FBXL7: variants seen among roughly 807,000 people sequenced by gnomAD.
The protein encoded by FBXL7 is F-box and leucine rich repeat protein 7, also known as F-box/LRR-repeat protein 7.
In FBXL7, 12 loss-of-function variants were observed where a neutral mutation model predicts 38.3. The ratio of observed to expected loss-of-function variants is 0.31; its 90% CI spans 0.20 to 0.51. The LOEUF (loss-of-function observed/expected upper bound fraction) is 0.51. FBXL7 is among the 20% of genes least tolerant of loss of function. FBXL7 has a pLI of 0.98. For synonymous variants in FBXL7, 297 were observed against 300.9 expected, an observed-to-expected ratio of 0.99 and a Z score of 0.13; for missense variants, 567 against 676.4, an observed-to-expected ratio of 0.84 and a Z score of 1.79.
chr5:15,925,885 T>G (rs1400003537), intron 2 of FBXL7, among the ~76,000 whole-genome samples: 1 of 152,224 alleles, frequency 6.6e-6, no homozygotes, highest in East Asian at 1.9e-4. Context: ...GAAAGTGTAC[T>G]TTGAGTACCC....
At chr5:15,528,009 A>G (rs574021325) in intron 1 of FBXL7, among the ~76,000 whole-genome samples, 5 of 152,194 alleles carry the variant, frequency 3.3e-5, no homozygotes, top group Non-Finnish European at 7.3e-5. Context: ...AATATCTAAC[A>G]TGTTTATAAT....
At chr5:15,821,153 CA>C (rs1472637989) in intron 2 of FBXL7, among the ~76,000 whole-genome samples, 1 of 152,138 alleles carries the variant, frequency 6.6e-6, no homozygotes, top group Non-Finnish European at 1.5e-5. Context: ...AGTTTATTTC[CA>C]AAGGTAAGAA....
chr5:15,830,485 A>ACACACACACACAC (rs1554024729), intron 2 of FBXL7, among the ~76,000 whole-genome samples: 2 of 144,192 alleles, frequency 1.4e-5, no homozygotes, highest in Non-Finnish European at 3.0e-5. Context: ...CTCCATCTAA[A>ACACACACACACAC]ACACACACAC....
At chr5:15,506,727 A>T (rs1459928107) in intron 1 of FBXL7, among the ~76,000 whole-genome samples, 1 of 151,528 alleles carries the variant, frequency 6.6e-6, no homozygotes, top group East Asian at 2.0e-4. Flanking sequence ...GAGCAAGCTA[A>T]CTCTCTGGCC....
At chr5:15,628,296 A>T (rs906277424) in intron 2 of FBXL7, among the ~76,000 whole-genome samples, 5 of 151,756 alleles carry the variant, frequency 3.3e-5, no homozygotes, top group African/African-American at 1.2e-4. Context: ...TGCCCAGAAG[A>T]GAGATTCTGA....
intron 1 of FBXL7, among the ~76,000 whole-genome samples, chr5:15,607,574 C>T (rs1740070813): frequency 6.6e-6 from 1 of 152,160 alleles, no homozygotes; most frequent in South Asian, 2.1e-4. Flanking sequence ...TAAAGTCCCT[C>T]ACTAAAAGGA....
chr5:15,544,171 T>A (rs1272917317), intron 1 of FBXL7, among the ~76,000 whole-genome samples: 1 of 152,338 alleles, frequency 6.6e-6, no homozygotes, highest in East Asian at 1.9e-4. Context: ...CTGCTGCTGC[T>A]CTGACACTGC....
At position 15,823,626 on chromosome 5, in the gene FBXL7, T is replaced by C. The variant is rs531522589; in HGVS notation, c.128-104264T>C. Among the ~76,000 whole-genome samples, 36 of 152,302 alleles carry C rather than the reference T, an allele frequency of 2.4e-4. 1 individual carries two copies. In the East Asian group the frequency reaches 6.8e-3, roughly 29 times the overall value. On this transcript the variant is annotated intron_variant, in intron 2 of 3. Coordinates refer to ENST00000504595, the MANE Select transcript of FBXL7 (RefSeq NM_012304.5). The stretch of plus-strand genomic sequence containing the variant: ...CTGACTCAACTGTGGGCAGCTCTGT[T>C]GCTCTAGTGGCTTGAAAGCTCTTTA...
chr5:15,788,648 G>A (rs78373042), intron 2 of FBXL7, among the ~76,000 whole-genome samples: 209 of 151,384 alleles, frequency 1.4e-3, no homozygotes, highest in African/African-American at 4.8e-3. Context: ...CATTCTGTAC[G>A]TCACTCACTC....
intron 2 of FBXL7, among the ~76,000 whole-genome samples, chr5:15,846,691 T>C (rs1195137062): frequency 6.6e-6 from 1 of 152,152 alleles, no homozygotes; most frequent in African/African-American, 2.4e-5. Context: ...AAAAGTGGCA[T>C]TAATGAGACA....
At chr5:15,812,074 C>T (rs1195455617) in intron 2 of FBXL7, among the ~76,000 whole-genome samples, 2 of 152,134 alleles carry the variant, frequency 1.3e-5, no homozygotes, top group Non-Finnish European at 2.9e-5. Flanking sequence ...ATAGCAAAGA[C>T]TTGGAACCAA....
intron 1 of FBXL7, chr5:15,602,168 C>G (rs1342240763): frequency 6.6e-6 from 1 of 152,174 alleles, no homozygotes; most frequent in Admixed American, 6.5e-5. Context: ...ACCTTGATTT[C>G]AGACTTTTAG....
intron 1 of FBXL7, among the ~76,000 whole-genome samples, chr5:15,559,778 G>A (rs1270535275): frequency 6.6e-6 from 1 of 152,206 alleles, no homozygotes; most frequent in Non-Finnish European, 1.5e-5. Flanking sequence ...AACGCCTGGA[G>A]GCATGATTGA....
chr5:15,822,912 C>G (rs1738210144), intron 2 of FBXL7, among the ~76,000 whole-genome samples: 1 of 152,134 alleles, frequency 6.6e-6, no homozygotes, highest in Admixed American at 6.5e-5. Context: ...GGGAGGGCCA[C>G]AGTGGGGCCT....
intron 2 of FBXL7, among the ~76,000 whole-genome samples, chr5:15,623,827 T>C (rs1740725564): frequency 1.3e-5 from 2 of 152,112 alleles, no homozygotes; most frequent in South Asian, 4.1e-4. Context: ...CCATTACACT[T>C]CTCTTGAGAA....
At chr5:15,803,724 G>T (rs974983176) in intron 2 of FBXL7, among the ~76,000 whole-genome samples, 5 of 152,140 alleles carry the variant, frequency 3.3e-5, no homozygotes, top group African/African-American at 1.2e-4. Flanking sequence ...AATAATTAGG[G>T]ATGATAAATT....
At chr5:15,652,203 C>A (rs529964247) in intron 2 of FBXL7, among the ~76,000 whole-genome samples, 1 of 152,170 alleles carries the variant, frequency 6.6e-6, no homozygotes, top group Non-Finnish European at 1.5e-5. Context: ...TCTGTATCAG[C>A]AATTAGGCTA....
chr5:15,540,859 C>T (rs1179476821), intron 1 of FBXL7, among the ~76,000 whole-genome samples: 1 of 152,082 alleles, frequency 6.6e-6, no homozygotes, highest in Non-Finnish European at 1.5e-5. Context: ...GCTCCACCAT[C>T]ATGAGCTAAT....
At position 15,931,829 on chromosome 5, in the gene FBXL7, C is replaced by T. The variant is rs181458803; in HGVS notation, c.739+3328C>T. On this transcript the variant is annotated intron_variant, in intron 3 of 3. Coordinates refer to ENST00000504595, the MANE Select transcript of FBXL7 (RefSeq NM_012304.5). ...CCCTCCTCTGCCTGCTGCCCCTCCT[C>T]GAGAACTCTCTGAACAGACTTTTCA... Among the ~76,000 whole-genome samples the T allele has an allele frequency of 4.3e-3, 648 of 152,258 alleles. 4 individuals carry two copies. The highest frequency in any genetic ancestry group is 5.7e-3 in the Non-Finnish European group (386 of 68,014).
Sources: gnomAD v4.1 joint callset for allele counts (sites outside exome capture counted in the v4.1 genomes callset) on GRCh38, gnomAD v4.1.1 for gene constraint, MANE v1.5 for transcripts, NCBI Gene and HGNC (gene_info 2026-07-23, HGNC 2026-07-21) for gene names.